The following RIT2 variants were observed in gnomAD, a reference collection of about 807,000 sequenced individuals.
The protein encoded by RIT2 is Ras like without CAAX 2, also known as GTP-binding protein Rit2.
RIT2 carries 24 observed loss-of-function variants against 23.7 expected under a neutral mutation model. The ratio of observed to expected loss-of-function variants is 1.01; its 90% CI spans 0.73 to 1.43. RIT2 has a LOEUF of 1.43. RIT2 is among the 40% of genes most tolerant of loss of function. RIT2 has a pLI of 0.00. For missense variants in RIT2, 236 were observed against 266.9 expected (o/e 0.88, Z 0.81); for synonymous variants, 107 against 91.1 (o/e 1.17, Z -0.99).
At chr18:42,915,151 TACACACACACACACAC>T (rs71918963) in intron 4 of RIT2, among the ~76,000 whole-genome samples, 1 of 145,856 alleles carries the variant, frequency 6.9e-6, no homozygotes, top group East Asian at 2.1e-4. Context: ...CATATAATTA[TACACACACACACACAC>T]ACACACACAC....
chr18:43,053,479 T>C (rs1912431197), intron 1 of RIT2, among the ~76,000 whole-genome samples: 1 of 151,996 alleles, frequency 6.6e-6, no homozygotes, highest in Non-Finnish European at 1.5e-5. Context: ...TAGGATTGTT[T>C]TGAGGATTAA....
intron 4 of RIT2, among the ~76,000 whole-genome samples, chr18:42,908,574 C>A (rs528187881): frequency 1.3e-4 from 20 of 152,064 alleles, no homozygotes; most frequent in African/African-American, 4.3e-4. Context: ...AAAGAAAAAG[C>A]AGGTTTAATG....
intron 1 of RIT2, 102 bp downstream of exon 1, chr18:43,115,315 C>T: frequency 1.4e-6 from 2 of 1,443,164 alleles, no homozygotes; most frequent in Non-Finnish European, 1.9e-6. Context: ...TTAACTGCCA[C>T]AGTTCACCTC....
intron 4 of RIT2, among the ~76,000 whole-genome samples, chr18:42,752,068 A>G (rs1189194034): frequency 6.6e-6 from 1 of 152,068 alleles, no homozygotes; most frequent in African/African-American, 2.4e-5. Context: ...AACATGTCAA[A>G]AAAAAAGCCC....
intron 2 of RIT2, among the ~76,000 whole-genome samples, chr18:43,001,026 C>A (rs1289539205): frequency 1.3e-5 from 2 of 152,194 alleles, no homozygotes; most frequent in African/African-American, 2.4e-5. Flanking sequence ...CAGGCTATTT[C>A]TATTTCATTC....
At chr18:42,899,190 T>C (rs1369562916) in intron 4 of RIT2, among the ~76,000 whole-genome samples, 1 of 151,756 alleles carries the variant, frequency 6.6e-6, no homozygotes, top group Non-Finnish European at 1.5e-5. Flanking sequence ...AATTGAATCA[T>C]CTTATTTTTC....
At chr18:42,873,829 C>T (rs999383553) in intron 4 of RIT2, among the ~76,000 whole-genome samples, 8 of 152,122 alleles carry the variant, frequency 5.3e-5, no homozygotes, top group African/African-American at 1.9e-4. Context: ...AGAAAATTAA[C>T]TTCTCTATCC....
chr18:43,092,780 G>A (rs1317284632), intron 1 of RIT2, among the ~76,000 whole-genome samples: 1 of 152,008 alleles, frequency 6.6e-6, no homozygotes, highest in Admixed American at 6.6e-5. Context: ...TTATGTAATT[G>A]CAAGCAACAT....
chr18:42,774,603 A>G (rs567911967), intron 4 of RIT2, among the ~76,000 whole-genome samples: 144 of 149,996 alleles, frequency 9.6e-4, no homozygotes, highest in Non-Finnish European at 1.9e-3. Context: ...GAACATTATC[A>G]ATCGTTCAAA....
intron 1 of RIT2, among the ~76,000 whole-genome samples, chr18:43,105,112 GTGTGTGTGTGTGTGTGTGTT>G (rs1913779074): frequency 1.3e-5 from 2 of 150,798 alleles, no homozygotes; most frequent in African/African-American, 2.4e-5. Context: ...GTGTGTGTGT[GTGTGTGTGTGTGTGTGTGTT>G]TGTGTGTGTG....
intron 1 of RIT2, among the ~76,000 whole-genome samples, chr18:43,037,865 C>A (rs2144289530): frequency 6.6e-6 from 1 of 152,110 alleles, no homozygotes; most frequent in East Asian, 1.9e-4. Context: ...ACTAAGGATT[C>A]TTTTTTCTTT....
intron 4 of RIT2, among the ~76,000 whole-genome samples, chr18:42,871,237 T>A (rs1310773531): frequency 1.3e-5 from 2 of 152,236 alleles, no homozygotes; most frequent in African/African-American, 4.8e-5. Flanking sequence ...CTTAATATTT[T>A]CTAATATTTC....
intron 4 of RIT2, among the ~76,000 whole-genome samples, chr18:42,886,794 T>G (rs894140717): frequency 6.6e-6 from 1 of 152,180 alleles, no homozygotes; most frequent in Non-Finnish European, 1.5e-5. Context: ...GATTGGCTGT[T>G]TTTTAATTAT....
chr18:42,883,351 G>T (rs1907943054), intron 4 of RIT2, among the ~76,000 whole-genome samples: 1 of 152,170 alleles, frequency 6.6e-6, no homozygotes, highest in South Asian at 2.1e-4. Flanking sequence ...TAATTGCTCT[G>T]TAGTTAATTT....
rs181235014 is a variant in RIT2, at chr18:43,031,799, T to C, written c.160+2012A>G. On this transcript the variant is annotated intron_variant, in intron 2 of 4. Transcript: ENST00000326695. ...GGTAACAAACAGATCTAGAGAAGGA[T>C]TGAAAAATATTTATTTCCTATCTCA... 1.2e-3 allele frequency among the ~76,000 whole-genome samples: 184 copies of C among 152,182 alleles called. 1 individual carries two copies. Among genetic ancestry groups the C allele is most frequent in the African/African-American group, 4.1e-3 (172 of 41,554 alleles).
chr18:42,782,041 A>C (rs1201647189), intron 4 of RIT2, among the ~76,000 whole-genome samples: 3 of 152,170 alleles, frequency 2.0e-5, no homozygotes, highest in African/African-American at 4.8e-5. Context: ...AAGTTTCAGA[A>C]AACAATCTAA....
At position 43,047,139 on chromosome 18, in the gene RIT2, T is replaced by C. The variant is rs574454939; in HGVS notation, c.104-13272A>G. Among the ~76,000 whole-genome samples the C allele has an allele frequency of 2.6e-5, 4 of 152,260 alleles. No individual in the cohort carries two copies. In the South Asian group the frequency reaches 8.3e-4, roughly 32 times the overall value. Reference sequence around the variant, plus strand: ...CTGTATGACTCCAGATCATTTCTTTTTTCTCATTTCCTTTTATTTTTCTAC... The same window carrying C: ...CTGTATGACTCCAGATCATTTCTTTCTTCTCATTTCCTTTTATTTTTCTAC... On this transcript the variant is annotated intron_variant, in intron 1 of 4. Transcript: ENST00000326695.
intron 4 of RIT2, among the ~76,000 whole-genome samples, chr18:42,904,047 C>A (rs1908547952): frequency 6.6e-6 from 1 of 152,006 alleles, no homozygotes; most frequent in South Asian, 2.1e-4. Context: ...TATTATAATA[C>A]TATATAGGAA....
intron 3 of RIT2, among the ~76,000 whole-genome samples, chr18:42,948,555 A>G (rs1197521913): frequency 6.6e-6 from 1 of 152,116 alleles, no homozygotes. Context: ...GAAAGTGCAC[A>G]TGGATTCTAG....
Sources: gnomAD v4.1 joint callset for allele counts (sites outside exome capture counted in the v4.1 genomes callset) on GRCh38, gnomAD v4.1.1 for gene constraint, MANE v1.5 for transcripts, NCBI Gene and HGNC (gene_info 2026-07-23, HGNC 2026-07-21) for gene names.